The following ITSN2 variants were observed in gnomAD, a reference collection of about 807,000 sequenced individuals.
ITSN2 encodes the protein intersectin-2.
Under a neutral mutation model 243.7 loss-of-function variants are expected in ITSN2, and 156 were observed. The ratio of observed to expected loss-of-function variants is 0.64; its 90% CI spans 0.56 to 0.73. ITSN2 has a LOEUF of 0.73. Among genes scored for constraint, ITSN2 ranks in the 30% least tolerant of loss-of-function variants. The probability of loss-of-function intolerance (pLI) is 0.00; values close to 1 mark genes in which losing one functional copy is unlikely to be tolerated. For synonymous variants in ITSN2, 703 were observed against 699.9 expected (o/e 1.00, Z -0.07); for missense variants, 1,801 against 1,996.1 (o/e 0.90, Z 1.86).
intron 31 of ITSN2, among the ~76,000 whole-genome samples, chr2:24,217,248 CA>C (rs34890758): frequency 0.6 from 88,682 of 146,774 alleles, 26,467 homozygotes; most frequent in East Asian, 0.76. Flanking sequence ...GACTCCATCT[CA>C]AAAAAAAAAA....
rs758740999 is a variant in ITSN2 at position 24,208,292 on chromosome 2, C to T, written c.4623G>A (p.Ala1541=). Residue 1541 remains alanine (A), a synonymous_variant, in exon 37 of 40, where the codon GCG becomes GCA. Coordinates refer to ENST00000355123, the MANE Select transcript of ITSN2 (RefSeq NM_006277.3). ...ERTAWVQKIK[A]ASEQYIDTEK... ...CGGTGTCGATGTACTGCTCAGACGC[C>T]GCCTTGATCTTCTGCACCCAGGCGG... 28 of 1,612,358 alleles carry T rather than the reference C, an allele frequency of 1.7e-5. No homozygotes were observed. The South Asian group carries it at 2.0e-4, about 11-fold the overall frequency.
intron 29 of ITSN2, among the ~76,000 whole-genome samples, chr2:24,235,322 G>A (rs759819733): frequency 1.3e-5 from 2 of 151,846 alleles, no homozygotes; most frequent in Non-Finnish European, 2.9e-5. Context: ...GTTGCCAGGG[G>A]ATGGGAGGGA....
At chr2:24,263,686 C>T (rs1676214249) in intron 20 of ITSN2, among the ~76,000 whole-genome samples, 1 of 152,138 alleles carries the variant, frequency 6.6e-6, no homozygotes, top group South Asian at 2.1e-4. Context: ...CTATATGTAT[C>T]CTTTTTGTCT....
At chr2:24,239,714 T>C (rs1388629652) in intron 29 of ITSN2, 1 of 152,090 alleles carries the variant, frequency 6.6e-6, no homozygotes, top group Non-Finnish European at 1.5e-5. Context: ...GAAAGCTGAC[T>C]TATACTGAAT....
At chr2:24,208,132 G>A in intron 37 of ITSN2, 105 bp downstream of exon 37, 1 of 974,800 alleles carries the variant, frequency 1.0e-6, no homozygotes, top group Non-Finnish European at 1.6e-6. Context: ...CAGCAGGTCT[G>A]GTCTTTCAGA....
At chr2:24,271,629 A>G (rs1236311406) in intron 19 of ITSN2, 137 bp downstream of exon 19, 9 of 1,112,304 alleles carry the variant, frequency 8.1e-6, no homozygotes, top group Non-Finnish European at 9.5e-6. Context: ...CTTTTTATCC[A>G]AGTTTAATTT....
intron 32 of ITSN2, among the ~76,000 whole-genome samples, chr2:24,215,323 T>G (rs545009376): frequency 6.6e-6 from 1 of 152,338 alleles, no homozygotes; most frequent in South Asian, 2.1e-4. Flanking sequence ...TCCAAGTTTA[T>G]TCATCTAGTT....
rs533636107 is a variant in ITSN2 at position 24,281,495 on chromosome 2, C to G, written c.1944+3268G>C. ...AGATCTGTAACTCTTCTGTCCCTCT[C>G]TCTTTGTGCATGTCTATTAAAACCT... On this transcript the variant is annotated intron_variant, in intron 17 of 39. Transcript: ENST00000355123. 2.0e-5 allele frequency among the ~76,000 whole-genome samples: 3 copies of G among 152,308 alleles called. No individual in the cohort carries two copies. In the South Asian group the frequency reaches 6.2e-4, roughly 32 times the overall value.
chr2:24,327,556 A>G (rs984103885), intron 2 of ITSN2, among the ~76,000 whole-genome samples: 9 of 152,072 alleles, frequency 5.9e-5, no homozygotes, highest in African/African-American at 1.9e-4. Context: ...CCTCAGCCTC[A>G]CAAAGTGCTG....
intron 1 of ITSN2, chr2:24,330,652 A>G: frequency 2.7e-6 from 2 of 736,964 alleles, no homozygotes; most frequent in East Asian, 2.6e-5. Flanking sequence ...CAGAAAGCTG[A>G]AAGTGCTGGA....
At chr2:24,218,581 TGTGTGTGTGTACACACACGC>T (rs374042315) in intron 30 of ITSN2, among the ~76,000 whole-genome samples, 147 of 152,176 alleles carry the variant, frequency 9.7e-4, no homozygotes, top group Middle Eastern at 3.4e-3. Flanking sequence ...TGCAGATGCT[TGTGTGTGTGTACACACACGC>T]GTGTGTGTTT....
chr2:24,280,165 G>A (rs540967365), intron 17 of ITSN2, among the ~76,000 whole-genome samples: 5 of 152,204 alleles, frequency 3.3e-5, no homozygotes, highest in Admixed American at 6.5e-5. Flanking sequence ...GCAGGTTCCA[G>A]TAAAACATAA....
chr2:24,283,883 C>T (rs1314631433), intron 17 of ITSN2, among the ~76,000 whole-genome samples: 2 of 152,174 alleles, frequency 1.3e-5, no homozygotes, highest in African/African-American at 4.8e-5. Flanking sequence ...CAATCCGTAG[C>T]AAAAGTTCTA....
intron 21 of ITSN2, 59 bp downstream of exon 21, chr2:24,261,502 T>C (rs1448894856): frequency 3.9e-6 from 5 of 1,291,900 alleles, no homozygotes; most frequent in Admixed American, 1.8e-5. Context: ...CACCATTATA[T>C]ATTAGGTATT....
At chr2:24,339,054 G>A (rs1686751463) in intron 1 of ITSN2, among the ~76,000 whole-genome samples, 1 of 152,110 alleles carries the variant, frequency 6.6e-6, no homozygotes. Context: ...TATAAAGAAA[G>A]GAAGTTTCTG....
chr2:24,271,628 C>T, intron 19 of ITSN2, 138 bp downstream of exon 19: 2 of 1,095,136 alleles, frequency 1.8e-6, no homozygotes, highest in Non-Finnish European at 2.4e-6. Context: ...GCTTTTTATC[C>T]AAGTTTAATT....
At position 24,209,136 on chromosome 2, in the gene ITSN2, C is replaced by T. The variant is rs866496080; in HGVS notation, c.4559G>A (p.Arg1520Gln). 16 of 1,613,842 alleles carry T rather than the reference C, an allele frequency of 9.9e-6. No individual in the cohort carries two copies. Among genetic ancestry groups the T allele is most frequent in the Admixed American group, 5.0e-5 (3 of 59,976 alleles). The change falls in exon 36 of 40, where the codon CGG becomes CAG. Residue 1520 changes from arginine (R) to glutamine (Q), a missense_variant. Physicochemically the swap from Arg to Gln is conservative, Grantham distance 43. Transcript: ENST00000355123. The part of the protein sequence containing the change: ...EPVFHISHID[R>Q]VYTLRTDNIN... ...GTTGTCTGTTCGGAGGGTGTAGACC[C>T]GATCAATGTGGGAAATGTGGAAGAC...
chr2:24,286,236 C>A lies in ITSN2; in HGVS notation c.1839G>T (p.Met613Ile). Residue 613 changes from methionine (M) to isoleucine (I), a missense_variant, in exon 16 of 40, where the codon ATG becomes ATT. Around this residue, in one of 5 missense-constraint regions of ITSN2, gnomAD observed 787 missense variants for 803.9 expected, o/e 0.98. Coordinates refer to ENST00000355123, the MANE Select transcript of ITSN2 (RefSeq NM_006277.3). ...EKETASKLSE[M>I]DSFNNQLKCG... ...CCTTTAGTTGATTGTTAAAAGAATC[C>A]ATTTCTGACAGCTTAGATGCAGTTT... The A allele has an allele frequency of 1.3e-6, 2 of 1,589,440 alleles. No homozygotes were observed. Among genetic ancestry groups the A allele is most frequent in the Non-Finnish European group, 1.7e-6 (2 of 1,164,452 alleles).
intron 17 of ITSN2, among the ~76,000 whole-genome samples, chr2:24,278,662 T>A (rs1678348677): frequency 6.8e-6 from 1 of 146,884 alleles, no homozygotes; most frequent in African/African-American, 2.5e-5. Flanking sequence ...TTTTTTTTTT[T>A]TTTTTTTGAG....
Sources: gnomAD v4.1 joint callset for allele counts (sites outside exome capture counted in the v4.1 genomes callset) on GRCh38, gnomAD v4.1.1 for gene constraint, gnomAD v4.1.1 regional missense constraint, MANE v1.5 for transcripts, NCBI Gene and HGNC (gene_info 2026-07-23, HGNC 2026-07-21) for gene names.